MKNK2: variants seen among roughly 807,000 people sequenced by gnomAD.
MKNK2 encodes MAPK interacting serine/threonine kinase 2.
MKNK2 carries 54 observed loss-of-function variants against 55.0 expected under a neutral mutation model. The ratio of observed to expected loss-of-function variants is 0.98; its 90% CI spans 0.79 to 1.23. The LOEUF (loss-of-function observed/expected upper bound fraction) is 1.23. Among genes scored for constraint, MKNK2 ranks in the 50% most tolerant of loss-of-function variants. The pLI, the probability that MKNK2 is intolerant of heterozygous loss-of-function variation, is 0.00. For missense variants in MKNK2, 685 were observed against 632.1 expected, an observed-to-expected ratio of 1.08 and a Z score of -0.90; for synonymous variants, 323 against 256.0, an observed-to-expected ratio of 1.26 and a Z score of -2.50.
chr19:2,050,673 C>T (rs891260267), intron 2 of MKNK2, 128 bp downstream of exon 2: 3 of 844,256 alleles, frequency 3.6e-6, no homozygotes, highest in African/African-American at 1.8e-5. Context: ...GCCCGGGCAG[C>T]CCCGGGTGTA....
chr19:2,042,672 A>G lies in MKNK2; in HGVS notation c.599-10T>C. 6.4e-7 allele frequency: 1 copy of G among 1,559,748 alleles called. No individual in the cohort carries two copies. The highest frequency in any genetic ancestry group is 2.4e-5 in the East Asian group (1 of 42,358). ...TCCCTGTGGGCGATGCCTGGGGGAG[A>G]AGCCACAGAACCACGACGGGGTGAG... On this transcript the variant is annotated splice_polypyrimidine_tract_variant and intron_variant, in intron 8 of 13. Transcript: ENST00000250896.
chr19:2,048,273 C>T (rs1029038839), intron 2 of MKNK2, among the ~76,000 whole-genome samples: 1 of 152,118 alleles, frequency 6.6e-6, no homozygotes, highest in African/African-American at 2.4e-5. Context: ...GGGAGCAAGA[C>T]CCTGACCAGG....
At position 2,042,366 on chromosome 19, in the gene MKNK2, G is replaced by T. The variant is rs1048270064; in HGVS notation, c.750+61C>A. ...GGAGCTGCTGGATGGCCCAGGCTCC[G>T]CGAGGTTATGCAACCGCAGAGCAGG... On this transcript the variant is annotated intron_variant, in intron 10 of 13. Transcript: ENST00000250896. 4.2e-6 allele frequency: 6 copies of T among 1,443,690 alleles called. No homozygotes were observed. The African/African-American group carries it at 7.1e-5, about 17-fold the overall frequency. 89.4% of individuals were successfully genotyped at this position (1,443,690 alleles called of 1,614,324 possible).
At chr19:2,046,821 T>C in intron 2 of MKNK2, 130 bp from the exon 3 acceptor site, 1 of 649,188 alleles carries the variant, frequency 1.5e-6, no homozygotes, top group Non-Finnish European at 2.4e-6. Context: ...AAAAATCAAC[T>C]CCGTCCCCGC....
At chr19:2,041,794 G>A (rs1436834918) in intron 11 of MKNK2, 46 bp downstream of exon 11, 13 of 1,448,932 alleles carry the variant, frequency 9.0e-6, no homozygotes, top group African/African-American at 1.5e-5. Context: ...GGGCAGGCCC[G>A]GGGGAGGAGG....
At position 2,038,247 on chromosome 19, in the gene MKNK2, G is replaced by GT. The variant is rs35697817; in HGVS notation, c.*1365dup. 7.1e-4 allele frequency: 666 copies of GT among 934,682 alleles called. No homozygotes were observed. Among genetic ancestry groups the GT allele is most frequent in the Middle Eastern group, 3.8e-3 (7 of 1,828 alleles). The allele number at this position is 934,682 out of a possible 1,614,324, so 57.9% of individuals were successfully genotyped here. ...GGGAAGCAAAGTCCATCGATGTGTT[G>GT]TTTTTTTTTAAGGAAAAACTAAAAA... is the stretch of plus-strand genomic sequence containing the variant. On this transcript the variant is annotated 3_prime_UTR_variant, in exon 14 of 14. Transcript: ENST00000250896.
rs1482887732 is a variant in MKNK2, at chr19:2,043,496, CACCT to C, written c.419+3_419+6del. ...GGCCAGTGCGGTGGCAAGGGTGGCT[CACCT>C]ACCTGTGTCCCTGGCACTGGTACAG... On this transcript the variant is annotated splice_donor_5th_base_variant and intron_variant, in intron 6 of 13. Coordinates refer to ENST00000250896, the MANE Select transcript of MKNK2 (RefSeq NM_199054.3). The C allele has an allele frequency of 1.9e-6, 3 of 1,613,496 alleles. No homozygotes were observed. The highest frequency in any genetic ancestry group is 2.5e-6 in the Non-Finnish European group (3 of 1,179,512).
intron 2 of MKNK2, among the ~76,000 whole-genome samples, chr19:2,048,973 G>A (rs529466972): frequency 6.6e-5 from 10 of 152,298 alleles, no homozygotes; most frequent in Non-Finnish European, 1.0e-4. Flanking sequence ...GTCTGTCAGC[G>A]GTGAGACGGG....
chr19:2,040,774 C>G (rs546644613), intron 12 of MKNK2: 1 of 520,964 alleles, frequency 1.9e-6, no homozygotes, highest in South Asian at 2.2e-5. Context: ...CTCCAGCCTG[C>G]TGCAGGCTGT....
At chr19:2,046,904 A>G (rs1215340613) in intron 2 of MKNK2, among the ~76,000 whole-genome samples, 1 of 152,180 alleles carries the variant, frequency 6.6e-6, no homozygotes. Flanking sequence ...GGGACCCCCA[A>G]GCTCCTGGGA....
In MKNK2 at chr19:2,039,442, A is replaced by C; in HGVS notation, c.*171T>G. 7.1e-7 allele frequency: 1 copy of C among 1,405,556 alleles called. No homozygotes were observed. The highest frequency in any genetic ancestry group is 9.2e-7 in the Non-Finnish European group (1 of 1,081,756). The allele number at this position is 1,405,556 out of a possible 1,614,324, so 87.1% of individuals were successfully genotyped here. A position where few individuals can be genotyped will look rare whatever the true frequency, so the allele number is the denominator to read the frequency against. The stretch of plus-strand genomic sequence containing the variant: ...GGGGAGGGGTGGAAACAGGAAAAAA[A>C]AAACCCAAAAGCAAAAACCTTCTAT... On this transcript the variant is annotated 3_prime_UTR_variant, in exon 14 of 14. Coordinates refer to ENST00000250896, the MANE Select transcript of MKNK2 (RefSeq NM_199054.3).
At position 2,039,358 on chromosome 19, in the gene MKNK2, C is replaced by T. The variant is rs1010188373; in HGVS notation, c.*255G>A. The T allele has an allele frequency of 1.6e-5, 22 of 1,369,090 alleles. 1 individual carries two copies. The highest frequency in any genetic ancestry group is 1.8e-5 in the South Asian group (1 of 55,136). 84.8% of individuals were successfully genotyped at this position (1,369,090 alleles called of 1,614,324 possible). ...GGAGGGGACAAGCCCACCCACCTAC[C>T]CTCTGCTCACCTTCCCGGGTGCCTG... On this transcript the variant is annotated 3_prime_UTR_variant, in exon 14 of 14. Coordinates refer to ENST00000250896, the MANE Select transcript of MKNK2 (RefSeq NM_199054.3).
chr19:2,038,043 G>C lies in MKNK2; in HGVS notation c.*1570C>G, dbSNP rs1304713445. On this transcript the variant is annotated 3_prime_UTR_variant, in exon 14 of 14. Coordinates refer to ENST00000250896, the MANE Select transcript of MKNK2 (RefSeq NM_199054.3). ...GGCGGAATGCCCCACCCCCCCCAGG[G>C]GTCTTTGGAAGGGGCAGTCCACAGA... is the stretch of plus-strand genomic sequence containing the variant. 1 of 1,283,364 alleles carries C rather than the reference G, an allele frequency of 7.8e-7. No individual in the cohort carries two copies. The highest frequency in any genetic ancestry group is 1.0e-6 in the Non-Finnish European group (1 of 1,004,424). The allele number at this position is 1,283,364 out of a possible 1,614,324, so 79.5% of individuals were successfully genotyped here. A position where few individuals can be genotyped will look rare whatever the true frequency, so the allele number is the denominator to read the frequency against.
At position 2,039,532 on chromosome 19, in the gene MKNK2, A is replaced by G. The variant is rs1442696938; in HGVS notation, c.*81T>C. 2.0e-6 allele frequency: 3 copies of G among 1,496,336 alleles called. No homozygotes were observed. In the African/African-American group the frequency reaches 4.1e-5, roughly 21 times the overall value. 92.7% of individuals were successfully genotyped at this position (1,496,336 alleles called of 1,614,324 possible). Reference sequence around the variant, plus strand: ...AGGCAGAGGAGGGGCAGCCCGCTGGACACCGGCTGGCGATAGCTTAAAAAA... The same window carrying G: ...AGGCAGAGGAGGGGCAGCCCGCTGGGCACCGGCTGGCGATAGCTTAAAAAA... On this transcript the variant is annotated 3_prime_UTR_variant, in exon 14 of 14. Coordinates refer to ENST00000250896, the MANE Select transcript of MKNK2 (RefSeq NM_199054.3).
At chr19:2,042,076 A>T in intron 10 of MKNK2, 42 bp from the exon 11 acceptor site, 3 of 1,437,692 alleles carry the variant, frequency 2.1e-6, no homozygotes, top group South Asian at 2.9e-5. Flanking sequence ...GTTTCCCAGC[A>T]TTACGTGGGA....
In MKNK2 at chr19:2,038,256, T is replaced by TA; in HGVS notation, c.*1356dup. ...AGTCCATCGATGTGTTGTTTTTTTT[T>TA]AAGGAAAAACTAAAAAACTAAACAG... On this transcript the variant is annotated 3_prime_UTR_variant, in exon 14 of 14. Transcript: ENST00000250896. 1.0e-6 allele frequency: 1 copy of TA among 987,426 alleles called. No individual in the cohort carries two copies. Among genetic ancestry groups the TA allele is most frequent in the Non-Finnish European group, 1.2e-6 (1 of 831,282 alleles). 61.2% of individuals were successfully genotyped at this position (987,426 alleles called of 1,614,324 possible).
chr19:2,040,793 A>G, intron 12 of MKNK2: 1 of 543,650 alleles, frequency 1.8e-6, no homozygotes, highest in Non-Finnish European at 3.3e-6. Flanking sequence ...GTGGGTCCCC[A>G]CCACCCTCCA....
At chr19:2,044,130 G>A (rs1187529447) in intron 5 of MKNK2, among the ~76,000 whole-genome samples, 1 of 151,368 alleles carries the variant, frequency 6.6e-6, no homozygotes, top group Non-Finnish European at 1.5e-5. Context: ...CACCCTCCCT[G>A]ACCCAGAGAC....
Position 2,040,232 on chromosome 19 carries a change from C to T in MKNK2, c.1111-55G>A, listed in dbSNP as rs377048089. 4,203 of 1,456,992 alleles carry T rather than the reference C, an allele frequency of 2.9e-3. 13 individuals carry two copies. The highest frequency in any genetic ancestry group is 4.5e-3 in the East Asian group (190 of 41,808). The allele number at this position is 1,456,992 out of a possible 1,614,324, so 90.3% of individuals were successfully genotyped here. A position where few individuals can be genotyped will look rare whatever the true frequency, so the allele number is the denominator to read the frequency against. On this transcript the variant is annotated intron_variant, in intron 12 of 13. Transcript: ENST00000250896. ...GGAGAGCAGCTGGGGCCGCCTGGGG[C>T]GCTGGGTGGGGTGTCTGGCCAAGGG...
Sources: allele counts gnomAD v4.1 joint callset (sites outside exome capture counted in the v4.1 genomes callset), GRCh38; gene constraint gnomAD v4.1.1; transcripts MANE v1.5; gene names NCBI Gene and HGNC (gene_info 2026-07-23, HGNC 2026-07-21).